Variants in JAM2 observed in about 807,000 individuals in gnomAD.
JAM2 encodes junctional adhesion molecule 2.
In JAM2, 17 loss-of-function variants were observed where a neutral mutation model predicts 42.0. The observed-to-expected ratio is 0.40, with a 90% confidence interval of 0.28 to 0.61. JAM2 has a LOEUF of 0.61. Ranked by LOEUF, JAM2 falls within the 20% of genes least tolerant of loss-of-function variation. JAM2 has a pLI of 0.37. For synonymous variants in JAM2, 118 were observed against 128.6 expected, an observed-to-expected ratio of 0.92 and a Z score of 0.56; for missense variants, 319 against 358.3, an observed-to-expected ratio of 0.89 and a Z score of 0.89.
Position 25,674,462 on chromosome 21 carries a change from C to T in JAM2, c.68-9421C>T, listed in dbSNP as rs570891058. Among the ~76,000 whole-genome samples the T allele has an allele frequency of 1.9e-4, 29 of 152,086 alleles. No individual in the cohort carries two copies. The South Asian group carries it at 4.8e-3, about 25-fold the overall frequency. ...CCAGTCTCAGCAGTGTGAGAACAGA[C>T]TAATATATCTGTCAAATGAGGATTT... On this transcript the variant is annotated intron_variant, in intron 1 of 9. Coordinates refer to ENST00000480456, the MANE Select transcript of JAM2 (RefSeq NM_021219.4).
chr21:25,693,603 TAAC>T (rs2033930273), intron 3 of JAM2, among the ~76,000 whole-genome samples, 150 bp from the exon 4 acceptor site: 1 of 152,176 alleles, frequency 6.6e-6, no homozygotes. Context: ...AAATTTTAAA[TAAC>T]AGCATCTATA....
intron 1 of JAM2, among the ~76,000 whole-genome samples, chr21:25,641,423 A>G (rs771018256): frequency 5.9e-5 from 9 of 152,180 alleles, no homozygotes; most frequent in South Asian, 4.1e-4. Flanking sequence ...CAAAAGCATA[A>G]ATGAATGGGG....
At position 25,680,768 on chromosome 21, in the gene JAM2, C is replaced by CTGGA. The variant is rs60008405; in HGVS notation, c.68-3092_68-3089dup. Among the ~76,000 whole-genome samples the CTGGA allele has an allele frequency of 8.1e-3, 1,237 of 151,820 alleles. 5 individuals are homozygous for CTGGA. The highest frequency in any genetic ancestry group is 0.031 in the Middle Eastern group (9 of 294). On this transcript the variant is annotated intron_variant, in intron 1 of 9. Transcript: ENST00000480456. ...GGTAGTTTAGTCAGAAAAGCAGTTTCTGGATGGATGGATGGATGGATGGAT... is the reference window on the plus strand; with the variant it reads ...GGTAGTTTAGTCAGAAAAGCAGTTTCTGGATGGATGGATGGATGGATGGATGGAT...
chr21:25,711,461 T>C, intron 8 of JAM2: 1 of 454,728 alleles, frequency 2.2e-6, no homozygotes, highest in Non-Finnish European at 4.4e-6. Context: ...GAAGATATAC[T>C]GAAGCCATGG....
chr21:25,668,414 C>T (rs561030187), intron 1 of JAM2, among the ~76,000 whole-genome samples: 5 of 152,138 alleles, frequency 3.3e-5, no homozygotes, highest in Non-Finnish European at 7.4e-5. Context: ...GTGCTCAGAC[C>T]ACAGTAGTAG....
At chr21:25,648,473 T>C (rs1220598472) in intron 1 of JAM2, among the ~76,000 whole-genome samples, 1 of 152,036 alleles carries the variant, frequency 6.6e-6, no homozygotes, top group Non-Finnish European at 1.5e-5. Flanking sequence ...TGTGTGTGTG[T>C]GTGTAAACGA....
chr21:25,650,400 GC>G (rs2032739354), intron 1 of JAM2, among the ~76,000 whole-genome samples: 2 of 152,134 alleles, frequency 1.3e-5, no homozygotes, highest in African/African-American at 2.4e-5. Flanking sequence ...CATTGTCTCT[GC>G]CAAGAATCTC....
At position 25,655,350 on chromosome 21, in the gene JAM2, ATT is replaced by A. The variant is rs751257378; in HGVS notation, c.67+15482_67+15483del. On this transcript the variant is annotated intron_variant, in intron 1 of 9. Transcript: ENST00000480456. Reference sequence around the variant, plus strand: ...AACATGATAAATATACTGAAATTCTATTTTTTTTTTTTTTTTTTTTTGTCCTT... The same window carrying A: ...AACATGATAAATATACTGAAATTCTATTTTTTTTTTTTTTTTTTTGTCCTT... Among the ~76,000 whole-genome samples, 266 of 100,200 alleles carry A rather than the reference ATT, an allele frequency of 2.7e-3. 2 individuals carry two copies. Among genetic ancestry groups the A allele is most frequent in the Middle Eastern group, 7.2e-3 (1 of 138 alleles). The allele number at this position is 100,200 out of a possible 152,430, so 65.7% of individuals were successfully genotyped here.
chr21:25,683,243 C>T (rs957854459), intron 1 of JAM2, among the ~76,000 whole-genome samples: 1 of 152,032 alleles, frequency 6.6e-6, no homozygotes, highest in African/African-American at 2.4e-5. Context: ...GCAACAGCAG[C>T]GTCATGTAAC....
intron 3 of JAM2, 65 bp from the exon 4 acceptor site, chr21:25,693,691 A>G (rs182903445): frequency 3.1e-6 from 4 of 1,294,714 alleles, no homozygotes; most frequent in Admixed American, 3.6e-5. Context: ...AACTGATTAG[A>G]GGAAGGTATT....
In JAM2 at chr21:25,648,443, C is replaced by T. The variant is rs192795691; in HGVS notation, c.67+8555C>T. ...CAGAACAAGTCAGGTTCTTTTGTGC[C>T]GTGTGTTTGTGTGTGTGTGTGTGTG... On this transcript the variant is annotated intron_variant, in intron 1 of 9. Transcript: ENST00000480456. 4.8e-4 allele frequency among the ~76,000 whole-genome samples: 58 copies of T among 121,246 alleles called. No individual in the cohort carries two copies. In the East Asian group the frequency reaches 0.013, roughly 28 times the overall value. The allele number at this position is 121,246 out of a possible 152,430, so 79.5% of individuals were successfully genotyped here.
chr21:25,703,243 T>A (rs1293049338), intron 6 of JAM2, among the ~76,000 whole-genome samples: 1 of 152,250 alleles, frequency 6.6e-6, no homozygotes, highest in African/African-American at 2.4e-5. Context: ...AATTTAAACA[T>A]CTACCTTTGC....
At chr21:25,646,146 A>T (rs1367856965) in intron 1 of JAM2, among the ~76,000 whole-genome samples, 3 of 152,208 alleles carry the variant, frequency 2.0e-5, no homozygotes, top group Non-Finnish European at 4.4e-5. Flanking sequence ...AGATGATAAG[A>T]ATTTTTCAGC....
chr21:25,663,887 C>T (rs2033152036), intron 1 of JAM2, among the ~76,000 whole-genome samples: 1 of 152,194 alleles, frequency 6.6e-6, no homozygotes, highest in Non-Finnish European at 1.5e-5. Context: ...TAATTTCACA[C>T]CTGTGTGCAT....
chr21:25,695,796 C>A (rs1400338695), intron 4 of JAM2, among the ~76,000 whole-genome samples: 5 of 151,116 alleles, frequency 3.3e-5, no homozygotes, highest in Non-Finnish European at 5.9e-5. Flanking sequence ...GACGGGGTCG[C>A]GGCCGGGCAG....
At chr21:25,672,195 C>T (rs562512035) in intron 1 of JAM2, among the ~76,000 whole-genome samples, 10 of 151,992 alleles carry the variant, frequency 6.6e-5, no homozygotes, top group African/African-American at 2.4e-4. Flanking sequence ...AGCAATACTC[C>T]CAAATCAGCC....
intron 9 of JAM2, chr21:25,714,093 C>G: frequency 9.3e-7 from 1 of 1,074,116 alleles, no homozygotes; most frequent in South Asian, 1.4e-5. Flanking sequence ...ATCCTCCTAA[C>G]AGGATTTGTC....
rs142261862 is a variant in JAM2, at chr21:25,697,539, C to A, written c.395-1138C>A. Among the ~76,000 whole-genome samples the A allele has an allele frequency of 4.9e-3, 751 of 152,122 alleles. 22 individuals are homozygous for A. The highest frequency in any genetic ancestry group is 0.04 in the Admixed American group (611 of 15,274). On this transcript the variant is annotated intron_variant, in intron 4 of 9. Transcript: ENST00000480456. The stretch of plus-strand genomic sequence containing the variant: ...ACCAGAATAACACTAATACCTGGAC[C>A]AGGTATTTTCTAACTTGGCCAGTTC...
At chr21:25,640,566 C>T (rs914919663) in intron 1 of JAM2, among the ~76,000 whole-genome samples, 7 of 152,188 alleles carry the variant, frequency 4.6e-5, no homozygotes, top group Admixed American at 3.3e-4. Flanking sequence ...GCTGGGGAGA[C>T]GTCCCAAAGC....
Sources: gnomAD v4.1 joint callset for allele counts (sites outside exome capture counted in the v4.1 genomes callset) on GRCh38, gnomAD v4.1.1 for gene constraint, MANE v1.5 for transcripts, NCBI Gene and HGNC (gene_info 2026-07-23, HGNC 2026-07-21) for gene names.